The following FAAP20 variants were observed in gnomAD, a reference collection of about 807,000 sequenced individuals.
FAAP20 encodes the protein FA core complex associated protein 20.
A neutral mutation model predicts 16.2 loss-of-function variants in FAAP20; 12 were observed. The observed-to-expected ratio is 0.74, with a 90% CI of 0.48 to 1.20. The LOEUF is 1.20. Among genes scored for constraint, FAAP20 ranks in the 50% most tolerant of loss-of-function variants. The pLI is 0.00. For missense variants in FAAP20, 288 were observed against 245.8 expected (o/e 1.17, Z -1.15); for synonymous variants, 141 against 110.7 (o/e 1.27, Z -1.72).
At chr1:2,199,534 C>T (rs974810513), upstream of FAAP20, 20 of 985,906 alleles carry the variant, frequency 2.0e-5, no homozygotes, top group South Asian at 4.7e-5. The surrounding 1 kb of genome is among the most constrained non-coding windows in gnomAD (Gnocchi z 4.5). Context: ...TCTCAGAGTG[C>T]GCGGCACCAA....
In FAAP20 at chr1:2,193,092, C is replaced by G. The variant is rs1396263497; in HGVS notation, c.470+547G>C. 4.7e-6 allele frequency: 5 copies of G among 1,063,302 alleles called. No homozygotes were observed. The Admixed American group carries it at 7.8e-5, about 17-fold the overall frequency. 65.9% of individuals were successfully genotyped at this position (1,063,302 alleles called of 1,614,324 possible). On this transcript the variant is annotated intron_variant, in intron 3 of 3. Transcript: ENST00000378546. ...ACCAGCATCATTCACACCACCCCAG[C>G]CCCAGGACCTGCTCCGGAGGCCAAG... is the stretch of plus-strand genomic sequence containing the variant.
At chr1:2,209,158 C>T (rs746199288), downstream of FAAP20, among the ~76,000 whole-genome samples, 33 of 152,100 alleles carry the variant, frequency 2.2e-4, no homozygotes, top group Non-Finnish European at 3.8e-4. Context: ...CGCGTCCTCT[C>T]TTACCACTCC....
upstream of FAAP20, among the ~76,000 whole-genome samples, chr1:2,204,089 G>A (rs1158194731): frequency 1.3e-5 from 2 of 152,218 alleles, no homozygotes; most frequent in East Asian, 1.9e-4. Context: ...CTGCCATCTC[G>A]GGTCCCCATG....
upstream of FAAP20, chr1:2,199,209 C>T: frequency 1.7e-6 from 2 of 1,166,928 alleles, no homozygotes; most frequent in Non-Finnish European, 2.1e-6. This position sits in a 1 kb window ranked among gnomAD's most constrained non-coding sequence, Gnocchi z 4.5. Context: ...CCAGACAGGG[C>T]CAGCCGCCCT....
At chr1:2,211,283 G>T (rs1206807157), downstream of FAAP20, among the ~76,000 whole-genome samples, 2 of 131,290 alleles carry the variant, frequency 1.5e-5, no homozygotes, top group African/African-American at 2.9e-5. Context: ...TGGTTGGAGT[G>T]CAGTCGCGCG....
At chr1:2,194,542 C>T in intron 1 of FAAP20, 146 bp downstream of exon 1, 1 of 81,536 alleles carries the variant, frequency 1.2e-5, no homozygotes, top group African/African-American at 2.8e-4. Flanking sequence ...AATGGCGGCG[C>T]GGGGTGGGGC....
upstream of FAAP20, chr1:2,197,916 CG>C (rs1688887741): frequency 8.2e-7 from 1 of 1,215,540 alleles, no homozygotes; most frequent in Non-Finnish European, 1.1e-6. Context: ...GACAGCTTCC[CG>C]ACAGCTGCCT....
intron 3 of FAAP20, chr1:2,192,731 A>C: frequency 8.8e-7 from 1 of 1,136,798 alleles, no homozygotes; most frequent in South Asian, 1.5e-5. Context: ...CTCCCACTTC[A>C]GCCTCCAGAG....
chr1:2,190,726 G>T, intron 3 of FAAP20: 2 of 314,864 alleles, frequency 6.4e-6, no homozygotes, highest in Non-Finnish European at 1.3e-5. Flanking sequence ...TCCCATCAGA[G>T]TGACCATCCC....
downstream of FAAP20, chr1:2,184,890 AC>A: frequency 6.3e-7 from 1 of 1,580,494 alleles, no homozygotes; most frequent in Non-Finnish European, 8.7e-7. Flanking sequence ...ACACACGGTC[AC>A]CCCCCTCCCC....
At chr1:2,198,822 C>T (rs1421535954), upstream of FAAP20, 3 of 1,289,730 alleles carry the variant, frequency 2.3e-6, no homozygotes, top group Admixed American at 2.3e-5. Flanking sequence ...CTGTGCTCCA[C>T]CACACCTGCT....
chr1:2,201,612 T>C (rs1241800103), upstream of FAAP20, among the ~76,000 whole-genome samples: 1 of 152,030 alleles, frequency 6.6e-6, no homozygotes, highest in African/African-American at 2.4e-5. Flanking sequence ...GTCCCAGTTA[T>C]GTGGGAGGCT....
At chr1:2,195,663 G>A (rs1171401442), upstream of FAAP20, among the ~76,000 whole-genome samples, 1 of 152,126 alleles carries the variant, frequency 6.6e-6, no homozygotes, top group Non-Finnish European at 1.5e-5. Flanking sequence ...GCCCCCAGTC[G>A]TCTGTGCCCT....
downstream of FAAP20, among the ~76,000 whole-genome samples, chr1:2,207,888 C>T (rs1689319205): frequency 1.3e-5 from 2 of 149,666 alleles, no homozygotes; most frequent in Non-Finnish European, 3.0e-5. Flanking sequence ...GCGATTCAGG[C>T]GGGGCCGTTT....
chr1:2,192,738 A>C, intron 3 of FAAP20: 2 of 1,130,840 alleles, frequency 1.8e-6, no homozygotes, highest in Non-Finnish European at 2.3e-6. Context: ...TTCAGCCTCC[A>C]GAGTAGCTAG....
upstream of FAAP20, among the ~76,000 whole-genome samples, chr1:2,202,016 CAAA>C (rs759592309): frequency 1.3e-4 from 8 of 61,820 alleles, no homozygotes; most frequent in Admixed American, 1.8e-4. Context: ...GACTCTGTCT[CAAA>C]AAAAAAAAAA....
upstream of FAAP20, chr1:2,198,862 C>T (rs1274701669): frequency 1.6e-6 from 2 of 1,289,788 alleles, no homozygotes; most frequent in Non-Finnish European, 2.0e-6. Flanking sequence ...GGCACGCCCA[C>T]CCATAGCCAG....
downstream of FAAP20, among the ~76,000 whole-genome samples, chr1:2,188,277 G>C (rs990062052): frequency 2.6e-5 from 4 of 152,200 alleles, no homozygotes; most frequent in African/African-American, 9.7e-5. Context: ...GCAGACGGTG[G>C]CTGACGGATC....
intron 1 of FAAP20, 119 bp downstream of exon 1, chr1:2,194,569 G>C (rs1359942352): frequency 4.8e-6 from 2 of 419,348 alleles, no homozygotes; most frequent in East Asian, 1.4e-4. Flanking sequence ...CGTGGGGGCC[G>C]GGCCCGGGGG....
Sources: allele counts gnomAD v4.1 joint callset (sites outside exome capture counted in the v4.1 genomes callset), GRCh38; gene constraint gnomAD v4.1.1; non-coding constraint Gnocchi (gnomAD v3.1); transcripts MANE v1.5; gene names NCBI Gene and HGNC (gene_info 2026-07-23, HGNC 2026-07-21).